Variants in NUDCD1 observed in about 807,000 individuals in gnomAD.
NUDCD1 encodes the protein nudC domain-containing protein 1.
Under a neutral mutation model 67.8 loss-of-function variants are expected in NUDCD1, and 60 were observed. The observed-to-expected ratio is 0.88, with a 90% CI of 0.72 to 1.10. The LOEUF (loss-of-function observed/expected upper bound fraction) is 1.10. Ranked by LOEUF, NUDCD1 falls within the 50% of genes least tolerant of loss-of-function variation. NUDCD1 has a pLI of 0.00. For missense variants in NUDCD1, 643 were observed against 695.0 expected (o/e 0.93, Z 0.84); for synonymous variants, 244 against 230.8 (o/e 1.06, Z -0.52).
At position 109,242,949 on chromosome 8, in the gene NUDCD1, C is replaced by G. The variant is rs372950404; in HGVS notation, c.*60G>C. The G allele has an allele frequency of 8.9e-6, 10 of 1,119,164 alleles. No individual in the cohort carries two copies. In the African/African-American group the frequency reaches 1.4e-4, roughly 16 times the overall value. The allele number at this position is 1,119,164 out of a possible 1,614,324, so 69.3% of individuals were successfully genotyped here. ...CTTAAGAGGTTACAGTATAACTGTC[C>G]AGACCTCCAGGTACCACTGAATACT... On this transcript the variant is annotated 3_prime_UTR_variant, in exon 10 of 10. Transcript: ENST00000239690.
At chr8:109,278,688 CAT>C (rs763613275) in intron 6 of NUDCD1, among the ~76,000 whole-genome samples, 14 of 152,176 alleles carry the variant, frequency 9.2e-5, no homozygotes, top group Non-Finnish European at 1.6e-4. Context: ...TTTCACTCCA[CAT>C]GTTTTTAATT....
intron 2 of NUDCD1, among the ~76,000 whole-genome samples, chr8:109,299,126 C>A (rs1199752867): frequency 6.6e-6 from 1 of 152,160 alleles, no homozygotes; most frequent in Non-Finnish European, 1.5e-5. Flanking sequence ...CCTAACAAAC[C>A]ATTTCTGCCT....
chr8:109,287,893 C>T (rs920290948), intron 5 of NUDCD1, among the ~76,000 whole-genome samples: 4 of 152,230 alleles, frequency 2.6e-5, no homozygotes, highest in South Asian at 4.2e-4. Context: ...TGAATGTATA[C>T]AAACACCTAA....
chr8:109,328,654 G>A (rs773120620), intron 1 of NUDCD1, among the ~76,000 whole-genome samples: 1 of 152,182 alleles, frequency 6.6e-6, no homozygotes, highest in African/African-American at 2.4e-5. Flanking sequence ...ACACAGGAAA[G>A]TCTTGCCTCG....
chr8:109,274,379 A>G (rs545595861), intron 7 of NUDCD1, among the ~76,000 whole-genome samples: 5 of 152,262 alleles, frequency 3.3e-5, no homozygotes, highest in African/African-American at 1.2e-4. Context: ...AACTGCAATT[A>G]TCTACAATCT....
chr8:109,288,983 TC>T (rs1814637486), intron 5 of NUDCD1, among the ~76,000 whole-genome samples: 1 of 145,396 alleles, frequency 6.9e-6, no homozygotes, highest in Non-Finnish European at 1.5e-5. Context: ...GTTAGTCTTT[TC>T]TTTTTTTTTT....
At chr8:109,270,966 A>G (rs752510046) in intron 8 of NUDCD1, 39 bp downstream of exon 8, 1 of 1,385,646 alleles carries the variant, frequency 7.2e-7, no homozygotes, top group Non-Finnish European at 1.0e-6. Context: ...CTGAGTAACT[A>G]CTGACAAAAT....
rs1013617326 is a variant in NUDCD1, at chr8:109,242,887, A to G, written c.*122T>C. The G allele has an allele frequency of 3.8e-5, 21 of 556,482 alleles. No homozygotes were observed. The African/African-American group carries it at 3.9e-4, about 10-fold the overall frequency. The allele number at this position is 556,482 out of a possible 1,614,324, so 34.5% of individuals were successfully genotyped here. On this transcript the variant is annotated 3_prime_UTR_variant, in exon 10 of 10. Coordinates refer to ENST00000239690, the MANE Select transcript of NUDCD1 (RefSeq NM_032869.4). Reference sequence around the variant, plus strand: ...AATATATTTCCAATGTTATTAAAAAATAAAAAATCATACAAGATATATTTA... The same window carrying G: ...AATATATTTCCAATGTTATTAAAAAGTAAAAAATCATACAAGATATATTTA...
chr8:109,292,011 A>G (rs1814722914), intron 4 of NUDCD1, among the ~76,000 whole-genome samples: 2 of 152,180 alleles, frequency 1.3e-5, no homozygotes. Flanking sequence ...CCAAAGCTGA[A>G]TCTAGGCCTA....
intron 8 of NUDCD1, among the ~76,000 whole-genome samples, chr8:109,249,868 TG>T (rs1813583560): frequency 7.2e-6 from 1 of 138,696 alleles, no homozygotes; most frequent in Non-Finnish European, 1.6e-5. Flanking sequence ...TTTTTTGAGA[TG>T]GGGTCTCACT....
At chr8:109,328,535 T>C (rs186782408) in intron 1 of NUDCD1, among the ~76,000 whole-genome samples, 11 of 152,236 alleles carry the variant, frequency 7.2e-5, no homozygotes, top group Non-Finnish European at 1.5e-4. Context: ...AAGAACCATC[T>C]GAAAGGGTTG....
chr8:109,322,175 G>A (rs1159748377), intron 2 of NUDCD1, 134 bp downstream of exon 2: 34 of 472,422 alleles, frequency 7.2e-5, no homozygotes, highest in East Asian at 2.4e-4. Flanking sequence ...GGAGTATTAC[G>A]TAGATAGGAT....
In NUDCD1 at chr8:109,293,406, T is replaced by A; in HGVS notation, c.578A>T (p.Asp193Val). 6.3e-7 allele frequency: 1 copy of A among 1,591,778 alleles called. No homozygotes were observed. The highest frequency in any genetic ancestry group is 8.6e-7 in the Non-Finnish European group (1 of 1,168,438). ...LLLRIEKEEL[D>V]MKGSGFYVSL... ...AACATAGAAACCACTTCCTTTCATA[T>A]CCAATTCCTCTTTCTCTATTCGAAG... The change falls in exon 4 of 10, where the codon GAT becomes GTT. Residue 193 changes from aspartate to valine, a missense_variant. Coordinates refer to ENST00000239690, the MANE Select transcript of NUDCD1 (RefSeq NM_032869.4).
At chr8:109,279,015 C>T (rs950849414) in intron 6 of NUDCD1, among the ~76,000 whole-genome samples, 1 of 152,036 alleles carries the variant, frequency 6.6e-6, no homozygotes, top group Non-Finnish European at 1.5e-5. Flanking sequence ...CCCATCTCTA[C>T]AAAAAATACA....
intron 1 of NUDCD1, among the ~76,000 whole-genome samples, chr8:109,332,904 A>G (rs1021914836): frequency 6.6e-6 from 1 of 152,224 alleles, no homozygotes; most frequent in African/African-American, 2.4e-5. Context: ...TCCCCAGACT[A>G]GTTTAGGAAA....
At chr8:109,279,961 C>G (rs980324563) in intron 6 of NUDCD1, among the ~76,000 whole-genome samples, 7 of 152,002 alleles carry the variant, frequency 4.6e-5, no homozygotes, top group Non-Finnish European at 8.8e-5. Context: ...GGCTTTGTGT[C>G]CTGAACACAC....
At chr8:109,272,166 A>G (rs1814173270) in intron 7 of NUDCD1, among the ~76,000 whole-genome samples, 1 of 152,104 alleles carries the variant, frequency 6.6e-6, no homozygotes, top group Non-Finnish European at 1.5e-5. Flanking sequence ...CACATTTTTA[A>G]TCTCTTTTAA....
rs146117504 is a variant in NUDCD1 at position 109,252,350 on chromosome 8, G to A, written c.1300-6869C>T. 7.2e-5 allele frequency among the ~76,000 whole-genome samples: 11 copies of A among 152,092 alleles called. No individual in the cohort carries two copies. The East Asian group carries it at 2.1e-3, about 29-fold the overall frequency. ...CAAGGCATAGAGATGGTGTTTTGAG[G>A]TTTTTCTTTATCTTTTCCTCTAGCT... On this transcript the variant is annotated intron_variant, in intron 8 of 9. Transcript: ENST00000239690.
At chr8:109,264,879 C>A (rs770565282) in intron 8 of NUDCD1, among the ~76,000 whole-genome samples, 2 of 150,534 alleles carry the variant, frequency 1.3e-5, no homozygotes, top group Non-Finnish European at 3.0e-5. Flanking sequence ...TGGAAAAGAT[C>A]CCAATTTTCA....
Sources: gnomAD v4.1 joint callset for allele counts (sites outside exome capture counted in the v4.1 genomes callset) on GRCh38, gnomAD v4.1.1 for gene constraint, MANE v1.5 for transcripts, NCBI Gene and HGNC (gene_info 2026-07-23, HGNC 2026-07-21) for gene names.